Variants in P2RX5 observed in about 807,000 individuals in gnomAD.
P2RX5 encodes the protein purinergic receptor P2X 5, also known as P2X purinoceptor 5.
In P2RX5, 46 loss-of-function variants were observed where a neutral mutation model predicts 54.1. That is an observed-to-expected ratio of 0.85 (90% CI 0.67 to 1.09). The LOEUF (loss-of-function observed/expected upper bound fraction) is 1.09, where lower values mean the gene tolerates loss of function less well. P2RX5 is among the 50% of genes least tolerant of loss of function. The pLI is 0.00. For missense variants in P2RX5, 566 were observed against 549.8 expected (o/e 1.03, Z -0.29); for synonymous variants, 226 against 226.4 (o/e 1.00, Z 0.02).
chr17:3,684,770 A>G (rs2050388287), intron 9 of P2RX5, among the ~76,000 whole-genome samples: 1 of 151,620 alleles, frequency 6.6e-6, no homozygotes, highest in Non-Finnish European at 1.5e-5. Flanking sequence ...ACAACACAGA[A>G]TTCTCCCACC....
In P2RX5 at chr17:3,690,605, C is replaced by T. The variant is rs757282475; in HGVS notation, c.436G>A (p.Gly146Arg). The T allele has an allele frequency of 9.9e-6, 16 of 1,613,486 alleles. No homozygotes were observed. The highest frequency in any genetic ancestry group is 5.3e-5 in the African/African-American group (4 of 74,946). Reference protein sequence around the residue: ...HAGEAVTAGNGVKTGRCLRRE... With the variant: ...HAGEAVTAGNRVKTGRCLRRE... ...GCCCGTGGCCGCTCCAGGCCCTCAC[C>T]GTTTCCAGCTGTAACCGCTTCCCCA... Residue 146 changes from glycine to arginine, a missense_variant and splice_region_variant, in exon 4 of 12, where the codon GGA (glycine) becomes AGA (arginine). Transcript: ENST00000225328.
At chr17:3,699,909 GGAAGGAAGGAAA>G (rs1437657243), upstream of P2RX5, among the ~76,000 whole-genome samples, 3 of 38,316 alleles carry the variant, frequency 7.8e-5, no homozygotes, top group Admixed American at 2.3e-4. Flanking sequence ...AAGGAAGGAA[GGAAGGAAGGAAA>G]GAAAGAAAGA....
At chr17:3,700,829 C>T (rs1165751601), upstream of P2RX5, among the ~76,000 whole-genome samples, 1 of 152,146 alleles carries the variant, frequency 6.6e-6, no homozygotes, top group Non-Finnish European at 1.5e-5. Context: ...CCTCCTCTCT[C>T]TCCTGCTGCC....
chr17:3,677,886 C>T (rs1466248460), intron 11 of P2RX5: 1 of 985,306 alleles, frequency 1.0e-6, no homozygotes, highest in Admixed American at 6.1e-5. Context: ...GTCCGAGCCC[C>T]TCTGACCATT....
intron 7 of P2RX5, among the ~76,000 whole-genome samples, chr17:3,689,253 A>G (rs2050534528): frequency 6.9e-6 from 1 of 144,830 alleles, no homozygotes; most frequent in African/African-American, 2.6e-5. Flanking sequence ...TGTGTGCCAC[A>G]GCCAGTTCTG....
upstream of P2RX5, among the ~76,000 whole-genome samples, chr17:3,700,148 A>G (rs536978613): frequency 6.6e-6 from 1 of 152,282 alleles, no homozygotes; most frequent in Admixed American, 6.5e-5. Context: ...CCCATGGCTG[A>G]GGCCAACTCA....
At chr17:3,683,288 C>T (rs956815053) in intron 9 of P2RX5, among the ~76,000 whole-genome samples, 8 of 152,166 alleles carry the variant, frequency 5.3e-5, no homozygotes, top group Admixed American at 6.6e-5. Flanking sequence ...GCACATCCAT[C>T]CCCTAGATGC....
Position 3,696,028 on chromosome 17 carries a change from C to T in P2RX5, c.-23G>A. 1.2e-6 allele frequency: 2 copies of T among 1,611,900 alleles called. No individual in the cohort carries two copies. The highest frequency in any genetic ancestry group is 1.7e-6 in the Non-Finnish European group (2 of 1,178,982). ...CATGGCGCGCTCTCAGCCGGGCTTGCGGACCGCCCGGCCCACGTGCGCTCA... is the reference window on the plus strand; with the variant it reads ...CATGGCGCGCTCTCAGCCGGGCTTGTGGACCGCCCGGCCCACGTGCGCTCA... On this transcript the variant is annotated 5_prime_UTR_variant, in exon 1 of 12. Coordinates refer to ENST00000225328, the MANE Select transcript of P2RX5 (RefSeq NM_002561.4).
Position 3,691,011 on chromosome 17 carries a change from A to G in P2RX5, c.305T>C (p.Phe102Ser), listed in dbSNP as rs767053964. The G allele has an allele frequency of 5.0e-6, 8 of 1,612,940 alleles. No homozygotes were observed. The highest frequency in any genetic ancestry group is 6.8e-6 in the Non-Finnish European group (8 of 1,179,628). The change falls in exon 3 of 12, where the codon TTT becomes TCT. Residue 102 changes from phenylalanine to serine, a missense_variant. By Grantham distance (155) the Phe-to-Ser change is radical. Coordinates refer to ENST00000225328, the MANE Select transcript of P2RX5 (RefSeq NM_002561.4). ...GGTCACAATCAGGTTGGTGACCACA[A>G]AAAAGACGTTCTCTCCCTAAGGAAC... ...VIPAQGENVFFVVTNLIVTPN... is the reference protein window; with the variant it reads ...VIPAQGENVFSVVTNLIVTPN...
chr17:3,702,512 C>T, the P2RX5 span, among the ~76,000 whole-genome samples: 4 of 152,274 alleles, frequency 2.6e-5, no homozygotes, highest in East Asian at 5.8e-4. Context: ...TTGTTCTTTC[C>T]CTCTTCACAA....
the P2RX5 span, among the ~76,000 whole-genome samples, chr17:3,711,916 C>T: frequency 6.9e-6 from 1 of 145,874 alleles, no homozygotes; most frequent in African/African-American, 2.6e-5. Context: ...AAAGTGTCTT[C>T]CTCCTCATTA....
intron 9 of P2RX5, among the ~76,000 whole-genome samples, chr17:3,684,777 C>T (rs1020963025): frequency 1.3e-5 from 2 of 151,916 alleles, no homozygotes; most frequent in Non-Finnish European, 2.9e-5. Flanking sequence ...AGAATTCTCC[C>T]ACCCAAAAAG....
chr17:3,702,673 T>G, the P2RX5 span, among the ~76,000 whole-genome samples: 1 of 151,884 alleles, frequency 6.6e-6, no homozygotes, highest in Non-Finnish European at 1.5e-5. Context: ...CATCAGAACA[T>G]CAGAAGGAAC....
chr17:3,698,218 A>G (rs2143002951), upstream of P2RX5, among the ~76,000 whole-genome samples: 1 of 152,220 alleles, frequency 6.6e-6, no homozygotes, highest in South Asian at 2.1e-4. Context: ...ATCACCCCTA[A>G]GAAGATGCCC....
At chr17:3,701,496 C>G in the P2RX5 span, among the ~76,000 whole-genome samples, 2 of 152,100 alleles carry the variant, frequency 1.3e-5, no homozygotes, top group East Asian at 3.9e-4. Flanking sequence ...AGTTCGAGAC[C>G]AGCCTGAACA....
At chr17:3,723,789 G>T in the P2RX5 span, 1 of 1,598,826 alleles carries the variant, frequency 6.3e-7, no homozygotes, top group Non-Finnish European at 8.5e-7. Flanking sequence ...AAACCAAGCC[G>T]CCAGTTTTCC....
chr17:3,720,210 C>T, the P2RX5 span: 1 of 658,256 alleles, frequency 1.5e-6, no homozygotes, highest in Non-Finnish European at 2.8e-6. Flanking sequence ...AGTGTTAAGG[C>T]TGAAAACAGG....
chr17:3,695,729 C>T, intron 1 of P2RX5, 140 bp downstream of exon 1: 3 of 1,000,138 alleles, frequency 3.0e-6, no homozygotes, highest in Non-Finnish European at 1.5e-6. Context: ...AGGACCCCCA[C>T]AGCAAGCAGG....
chr17:3,675,730 T>G (rs55880080), intron 11 of P2RX5: 6 of 643,238 alleles, frequency 9.3e-6, no homozygotes, highest in Non-Finnish European at 1.2e-5. Flanking sequence ...TTTTTGTATT[T>G]TTAGTAGAGA....
Sources: allele counts gnomAD v4.1 joint callset (sites outside exome capture counted in the v4.1 genomes callset), GRCh38; gene constraint gnomAD v4.1.1; transcripts MANE v1.5; gene names NCBI Gene and HGNC (gene_info 2026-07-23, HGNC 2026-07-21).